Variants in LRP1B observed in about 807,000 individuals in gnomAD.
LRP1B encodes the protein low-density lipoprotein receptor-related protein 1B.
In LRP1B, 217 loss-of-function variants were observed where a neutral mutation model predicts 556.6. The observed-to-expected ratio is 0.39, with a 90% CI of 0.35 to 0.44. The LOEUF (loss-of-function observed/expected upper bound fraction) is 0.44, where lower values mean the gene tolerates loss of function less well. Ranked by LOEUF, LRP1B falls within the 20% of genes least tolerant of loss-of-function variation. The probability of loss-of-function intolerance (pLI) is 1.00; values close to 1 mark genes in which losing one functional copy is unlikely to be tolerated. For synonymous variants in LRP1B, 2,047 were observed against 1,865.8 expected (o/e 1.10, Z -2.50); for missense variants, 5,053 against 5,620.8 (o/e 0.90, Z 3.23).
intron 21 of LRP1B, among the ~76,000 whole-genome samples, chr2:140,921,474 T>G (rs960289800): frequency 2.0e-4 from 31 of 151,982 alleles, no homozygotes; most frequent in African/African-American, 7.2e-4. Context: ...GTCAAATAAT[T>G]GGCTCTTTGG....
chr2:141,070,049 C>T lies in LRP1B; in HGVS notation c.1014-7776G>A, dbSNP rs1400944306. ...ATTCCCACCTATGAGTGAGAATATGCGGTGTTTGGTTTTTTGTTCTTGCGA... is the reference window on the plus strand; with the variant it reads ...ATTCCCACCTATGAGTGAGAATATGTGGTGTTTGGTTTTTTGTTCTTGCGA... On this transcript the variant is annotated intron_variant, in intron 7 of 90. Transcript: ENST00000389484. Among the ~76,000 whole-genome samples the T allele has an allele frequency of 6.1e-5, 9 of 146,758 alleles. No homozygotes were observed. The South Asian group carries it at 1.8e-3, about 29-fold the overall frequency.
At chr2:140,969,177 A>G (rs1186322172) in intron 18 of LRP1B, among the ~76,000 whole-genome samples, 1 of 152,186 alleles carries the variant, frequency 6.6e-6, no homozygotes, top group African/African-American at 2.4e-5. Flanking sequence ...GTCTCTTTGT[A>G]GGTCTCTAAG....
intron 45 of LRP1B, among the ~76,000 whole-genome samples, chr2:140,538,596 A>T (rs1023196233): frequency 6.6e-6 from 1 of 152,116 alleles, no homozygotes; most frequent in Non-Finnish European, 1.5e-5. Context: ...TCTAAACTTC[A>T]TTGTTCAGTC....
rs559830000 is a variant in LRP1B at position 141,289,364 on chromosome 2, A to C, written c.344-34723T>G. The stretch of plus-strand genomic sequence containing the variant: ...GCCACTGCACTCCAGCCTGGGTGAC[A>C]GAGCGAGACTCCATCTCAAAAAAAA... On this transcript the variant is annotated intron_variant, in intron 3 of 90. Coordinates refer to ENST00000389484, the MANE Select transcript of LRP1B (RefSeq NM_018557.3). Among the ~76,000 whole-genome samples the C allele has an allele frequency of 4.2e-5, 6 of 142,294 alleles. No homozygotes were observed. The South Asian group carries it at 1.5e-3, about 35-fold the overall frequency. The allele number at this position is 142,294 out of a possible 152,430, so 93.4% of individuals were successfully genotyped here. A position where few individuals can be genotyped will look rare whatever the true frequency, so the allele number is the denominator to read the frequency against.
At position 141,493,131 on chromosome 2, in the gene LRP1B, T is replaced by C. The variant is rs548516243; in HGVS notation, c.206-12598A>G. Reference sequence around the variant, plus strand: ...AATTGCTATTATAGAGAGGAGGAAATGGAAGATTGCAGAGGTTGAATACTT... The same window carrying C: ...AATTGCTATTATAGAGAGGAGGAAACGGAAGATTGCAGAGGTTGAATACTT... On this transcript the variant is annotated intron_variant, in intron 2 of 90. Coordinates refer to ENST00000389484, the MANE Select transcript of LRP1B (RefSeq NM_018557.3). Among the ~76,000 whole-genome samples, 61 of 152,226 alleles carry C rather than the reference T, an allele frequency of 4.0e-4. 1 individual carries two copies. Among genetic ancestry groups the C allele is most frequent in the African/African-American group, 1.2e-3 (48 of 41,550 alleles).
chr2:141,161,207 G>A (rs1335432068), intron 7 of LRP1B, among the ~76,000 whole-genome samples: 6 of 151,912 alleles, frequency 3.9e-5, no homozygotes, highest in African/African-American at 9.7e-5. Flanking sequence ...ACTGTTAACC[G>A]TTTTTACATA....
chr2:140,920,518 G>A (rs1242234369), intron 21 of LRP1B, among the ~76,000 whole-genome samples: 1 of 151,976 alleles, frequency 6.6e-6, no homozygotes, highest in Non-Finnish European at 1.5e-5. Context: ...AGGTCTTATA[G>A]CTTGTAAAAC....
intron 2 of LRP1B, among the ~76,000 whole-genome samples, chr2:141,605,574 G>A (rs1687888958): frequency 6.6e-6 from 1 of 152,096 alleles, no homozygotes; most frequent in East Asian, 1.9e-4. Flanking sequence ...TAAGCAGAAT[G>A]GCCTAGAGCT....
At chr2:141,567,621 T>A (rs1015652828) in intron 2 of LRP1B, among the ~76,000 whole-genome samples, 1 of 151,990 alleles carries the variant, frequency 6.6e-6, no homozygotes, top group South Asian at 2.1e-4. Context: ...GATGAGAAAT[T>A]AGGTGATGAC....
At chr2:141,772,914 C>A (rs763682857) in intron 2 of LRP1B, among the ~76,000 whole-genome samples, 26 of 152,174 alleles carry the variant, frequency 1.7e-4, no homozygotes, top group Non-Finnish European at 4.4e-5. Context: ...CTTAAGGGAG[C>A]CCACAGTTCT....
At chr2:142,094,501 G>A (rs1245732661) in intron 1 of LRP1B, among the ~76,000 whole-genome samples, 1 of 152,016 alleles carries the variant, frequency 6.6e-6, no homozygotes, top group Non-Finnish European at 1.5e-5. Flanking sequence ...AATTTGTTAA[G>A]TGACAGCACT....
intron 43 of LRP1B, among the ~76,000 whole-genome samples, chr2:140,587,192 C>T (rs147411012): frequency 7.9e-5 from 12 of 152,128 alleles, no homozygotes; most frequent in Non-Finnish European, 1.6e-4. Context: ...AGAAAGAAAA[C>T]TGAACGAAGC....
intron 83 of LRP1B, among the ~76,000 whole-genome samples, chr2:140,300,756 C>T (rs1353449755): frequency 2.0e-5 from 3 of 152,064 alleles, no homozygotes; most frequent in Non-Finnish European, 4.4e-5. Flanking sequence ...ATAAAATCAA[C>T]ATAATAATAC....
At chr2:140,248,185 A>G (rs1228396885) in intron 86 of LRP1B, among the ~76,000 whole-genome samples, 4 of 151,684 alleles carry the variant, frequency 2.6e-5, no homozygotes, top group Admixed American at 6.6e-5. Context: ...TGCTATACGA[A>G]TTATTTGTGA....
intron 2 of LRP1B, among the ~76,000 whole-genome samples, chr2:141,664,818 T>TAAA (rs1690361383): frequency 6.6e-6 from 1 of 152,094 alleles, no homozygotes; most frequent in Non-Finnish European, 1.5e-5. Flanking sequence ...TCCATTAAAC[T>TAAA]ACCATTGACA....
chr2:142,120,766 G>A (rs1282916791), intron 1 of LRP1B, among the ~76,000 whole-genome samples: 1 of 152,070 alleles, frequency 6.6e-6, no homozygotes, highest in African/African-American at 2.4e-5. Context: ...ATTCCCTAAA[G>A]AATACTGTGA....
At chr2:140,591,341 A>C (rs971832802) in intron 43 of LRP1B, among the ~76,000 whole-genome samples, 3 of 152,218 alleles carry the variant, frequency 2.0e-5, no homozygotes, top group Non-Finnish European at 4.4e-5. Context: ...TGTTAAAATT[A>C]AAGTCCAGAG....
intron 59 of LRP1B, among the ~76,000 whole-genome samples, chr2:140,480,853 T>TGG (rs1688207092): frequency 6.6e-6 from 1 of 152,156 alleles, no homozygotes; most frequent in African/African-American, 2.4e-5. Flanking sequence ...CAAAAAACTT[T>TGG]TATCATCTGT....
chr2:141,707,657 T>A (rs1311720477), intron 2 of LRP1B, among the ~76,000 whole-genome samples: 1 of 152,154 alleles, frequency 6.6e-6, no homozygotes, highest in Non-Finnish European at 1.5e-5. Flanking sequence ...TTATTCAGTG[T>A]CTGCCACGTG....
Sources: gnomAD v4.1 joint callset for allele counts (sites outside exome capture counted in the v4.1 genomes callset) on GRCh38, gnomAD v4.1.1 for gene constraint, MANE v1.5 for transcripts, NCBI Gene and HGNC (gene_info 2026-07-23, HGNC 2026-07-21) for gene names.